The following RANBP2 variants were observed in gnomAD, a reference collection of about 807,000 sequenced individuals.
RANBP2 encodes E3 SUMO-protein ligase RanBP2.
A neutral mutation model predicts 303.6 loss-of-function variants in RANBP2; 57 were observed. That is an observed-to-expected ratio of 0.19 (90% CI 0.15 to 0.23). The LOEUF (loss-of-function observed/expected upper bound fraction) is 0.23, where lower values mean the gene tolerates loss of function less well. Ranked by LOEUF, RANBP2 falls within the 10% of genes least tolerant of loss-of-function variation. The pLI is 1.00. For missense variants in RANBP2, 3,138 were observed against 3,780.8 expected (o/e 0.83, Z 4.46); for synonymous variants, 1,167 against 1,301.5 (o/e 0.90, Z 2.23).
the RANBP2 span, among the ~76,000 whole-genome samples, chr2:109,102,574 G>T: frequency 6.6e-6 from 1 of 152,108 alleles, no homozygotes; most frequent in Non-Finnish European, 1.5e-5. Context: ...ATAGCACTTA[G>T]ATATTTTTCT....
At chr2:109,432,574 G>C in the RANBP2 span, 4 of 1,613,684 alleles carry the variant, frequency 2.5e-6, no homozygotes, top group Non-Finnish European at 3.4e-6. Context: ...GATGTACCGG[G>C]TCCTCGAGAA....
chr2:109,316,853 G>A, the RANBP2 span, among the ~76,000 whole-genome samples: 1 of 151,986 alleles, frequency 6.6e-6, no homozygotes, highest in Non-Finnish European at 1.5e-5. Context: ...TTGTACTGTC[G>A]CTGTAGTTCT....
At chr2:109,079,135 C>T in the RANBP2 span, among the ~76,000 whole-genome samples, 113,301 of 151,962 alleles carry the variant, frequency 0.75, 44,471 homozygotes, top group Non-Finnish European at 0.88. Flanking sequence ...TCTTCTGCCT[C>T]TGCCAGCAAG....
chr2:108,832,771 T>C, the RANBP2 span, among the ~76,000 whole-genome samples: 16 of 152,110 alleles, frequency 1.1e-4, no homozygotes, highest in Non-Finnish European at 5.9e-5. Context: ...CACCTAGTAG[T>C]TGAAGGAGGA....
the RANBP2 span, among the ~76,000 whole-genome samples, chr2:109,352,816 C>CTTAG: frequency 2.0e-5 from 3 of 152,224 alleles, no homozygotes; most frequent in Admixed American, 2.0e-4. Context: ...AGAGCACCCT[C>CTTAG]TTAGCCACTA....
chr2:108,766,888 G>A lies in RANBP2; in HGVS notation c.6349G>A (p.Ala2117Thr), dbSNP rs769174532. Residue 2117 changes from alanine to threonine, a missense_variant, in exon 20 of 29, where the codon GCC becomes ACC. Ala to Thr is a moderately conservative substitution (Grantham distance 58). This residue lies in a region of RANBP2 where 103 missense variants were observed against 214.3 expected (regional missense o/e 0.48). Coordinates refer to ENST00000283195, the MANE Select transcript of RANBP2 (RefSeq NM_006267.5). ...AGCCAGTGATTTCTCTGATGGTGAT[G>A]CCAAACTAGAGCAGTTGGCAGCAAA... ...WLASDFSDGD[A>T]KLEQLAAKFK... 46 of 1,611,084 alleles carry A rather than the reference G, an allele frequency of 2.9e-5. No homozygotes were observed. The highest frequency in any genetic ancestry group is 3.9e-5 in the Non-Finnish European group (46 of 1,179,868).
At chr2:108,740,080 A>G (rs1430020702) in intron 6 of RANBP2, among the ~76,000 whole-genome samples, 1 of 152,214 alleles carries the variant, frequency 6.6e-6, no homozygotes, top group African/African-American at 2.4e-5. Flanking sequence ...CCTGTCAGTT[A>G]TTTACTTATA....
the RANBP2 span, among the ~76,000 whole-genome samples, chr2:109,080,107 G>A: frequency 6.6e-6 from 1 of 152,222 alleles, no homozygotes; most frequent in Admixed American, 6.5e-5. Flanking sequence ...AGTGACAGAG[G>A]AGGGAAAAGG....
intron 1 of RANBP2, among the ~76,000 whole-genome samples, chr2:108,726,469 A>T (rs1412903999): frequency 6.7e-6 from 1 of 150,356 alleles, no homozygotes; most frequent in Non-Finnish European, 1.5e-5. Context: ...AAACAACAGA[A>T]ATTTATTTTC....
the RANBP2 span, among the ~76,000 whole-genome samples, chr2:109,165,207 CTG>C: frequency 0.81 from 123,834 of 151,946 alleles, 50,631 homozygotes; most frequent in East Asian, 0.89. Flanking sequence ...TGAGGGAAGA[CTG>C]TGCTAATCCT....
the RANBP2 span, among the ~76,000 whole-genome samples, chr2:109,019,342 C>T: frequency 6.6e-6 from 1 of 152,178 alleles, no homozygotes; most frequent in Non-Finnish European, 1.5e-5. Context: ...AGGGACTCAC[C>T]AAGTTTTGAA....
chr2:108,889,555 CTT>C, the RANBP2 span, among the ~76,000 whole-genome samples: 67 of 149,956 alleles, frequency 4.5e-4, 1 homozygote, highest in South Asian at 0.012. Flanking sequence ...TTTTTCTTTT[CTT>C]TTTTTTTTTT....
chr2:109,625,090 A>C, the RANBP2 span, among the ~76,000 whole-genome samples: 4,599 of 128,344 alleles, frequency 0.036, 29 homozygotes, highest in African/African-American at 0.068. Context: ...ACAACAACAA[A>C]AAAAAAAAAA....
the RANBP2 span, among the ~76,000 whole-genome samples, chr2:109,612,364 C>G: frequency 6.6e-6 from 1 of 152,288 alleles, no homozygotes; most frequent in South Asian, 2.1e-4. Flanking sequence ...CCTCCTGGTC[C>G]TGGGAACATC....
the RANBP2 span, among the ~76,000 whole-genome samples, chr2:109,077,405 GA>G: frequency 6.6e-6 from 1 of 150,476 alleles, no homozygotes; most frequent in Non-Finnish European, 1.5e-5. Flanking sequence ...TCTTGGCAAT[GA>G]TTTTTTTGGA....
the RANBP2 span, among the ~76,000 whole-genome samples, chr2:109,249,257 G>GAAAAGTTATTTGGT: frequency 6.6e-6 from 1 of 152,118 alleles, no homozygotes; most frequent in Non-Finnish European, 1.5e-5. Flanking sequence ...GGTTTCTGTT[G>GAAAAGTTATTTGGT]AAAAGTTATT....
the RANBP2 span, among the ~76,000 whole-genome samples, chr2:108,932,667 A>G: frequency 6.6e-6 from 1 of 152,104 alleles, no homozygotes; most frequent in Non-Finnish European, 1.5e-5. Flanking sequence ...ACTGACATGG[A>G]CAATCTTCTT....
Position 108,753,409 on chromosome 2 carries a change from C to G in RANBP2, c.1918-17C>G, listed in dbSNP as rs1223633998. On this transcript the variant is annotated splice_polypyrimidine_tract_variant and intron_variant, in intron 13 of 28. Coordinates refer to ENST00000283195, the MANE Select transcript of RANBP2 (RefSeq NM_006267.5). ...TGAGTATAAACAATTTGACTAAAAA[C>G]TATTCTGTGTGTTTAGGCATCAGAA... is the stretch of plus-strand genomic sequence containing the variant. 1 of 1,611,434 alleles carries G rather than the reference C, an allele frequency of 6.2e-7. No homozygotes were observed.
chr2:109,763,972 T>A, the RANBP2 span, among the ~76,000 whole-genome samples: 2 of 144,922 alleles, frequency 1.4e-5, no homozygotes, highest in Non-Finnish European at 3.0e-5. Context: ...ATATACACAA[T>A]CAATTGATAA....
Sources: gnomAD v4.1 joint callset for allele counts (sites outside exome capture counted in the v4.1 genomes callset) on GRCh38, gnomAD v4.1.1 for gene constraint, gnomAD v4.1.1 regional missense constraint, MANE v1.5 for transcripts, NCBI Gene and HGNC (gene_info 2026-07-23, HGNC 2026-07-21) for gene names.